ACSS3: variants seen among roughly 807,000 people sequenced by gnomAD.
The protein encoded by ACSS3 is acyl-CoA synthetase short-chain family member 3, mitochondrial.
Under a neutral mutation model 84.2 loss-of-function variants are expected in ACSS3, and 64 were observed. The observed-to-expected ratio is 0.76, with a 90% CI of 0.62 to 0.94. ACSS3 has a LOEUF of 0.94. Among genes scored for constraint, ACSS3 ranks in the 40% least tolerant of loss-of-function variants. The pLI is 0.00. For missense variants in ACSS3, 815 were observed against 867.6 expected (o/e 0.94, Z 0.76); for synonymous variants, 317 against 310.1 (o/e 1.02, Z -0.23).
Position 81,109,656 on chromosome 12 carries a change from T to C in ACSS3, c.408T>C (p.Pro136=). 6.2e-7 allele frequency: 1 copy of C among 1,611,096 alleles called. No homozygotes were observed. The highest frequency in any genetic ancestry group is 8.5e-7 in the Non-Finnish European group (1 of 1,178,740). The change falls in exon 2 of 16, where the codon CCT becomes CCC. Residue 136 remains proline, a synonymous_variant. Coordinates refer to ENST00000548058, the MANE Select transcript of ACSS3 (RefSeq NM_024560.4). The part of the protein sequence containing the change: ...GDKIAIIYDS[P]VTNTKATFTY... ...AGATTGCTATCATCTATGACAGTCC[T>C]GTTACAAACACTAAAGCAACCTTTA... is the stretch of plus-strand genomic sequence containing the variant.
Position 81,170,407 on chromosome 12 carries a change from A to T in ACSS3, c.1099-4381A>T, listed in dbSNP as rs560063092. On this transcript the variant is annotated intron_variant, in intron 7 of 15. Coordinates refer to ENST00000548058, the MANE Select transcript of ACSS3 (RefSeq NM_024560.4). ...TTGTACCATTGTTAGCCACATTATAAATCTTGCTAATATTAGCAATTGATG... is the reference window on the plus strand; with the variant it reads ...TTGTACCATTGTTAGCCACATTATATATCTTGCTAATATTAGCAATTGATG... Among the ~76,000 whole-genome samples the T allele has an allele frequency of 3.3e-5, 5 of 152,272 alleles. No homozygotes were observed. The East Asian group carries it at 5.8e-4, about 18-fold the overall frequency.
chr12:81,223,012 G>A (rs952886140), intron 11 of ACSS3, among the ~76,000 whole-genome samples: 9 of 152,012 alleles, frequency 5.9e-5, no homozygotes, highest in Admixed American at 2.0e-4. Context: ...GAAGGTATTC[G>A]TGTAATTGCA....
chr12:81,242,751 C>CA (rs1354093496), intron 13 of ACSS3, among the ~76,000 whole-genome samples: 1 of 140,706 alleles, frequency 7.1e-6, no homozygotes, highest in African/African-American at 2.5e-5. Flanking sequence ...GAACCAAAGA[C>CA]AAAAACCACA....
chr12:81,199,750 G>C (rs2032016709), intron 9 of ACSS3: 2 of 1,194,046 alleles, frequency 1.7e-6, no homozygotes, highest in Admixed American at 2.3e-5. Context: ...TGAAGTGTCT[G>C]TTGGGTTCAT....
intron 8 of ACSS3, among the ~76,000 whole-genome samples, chr12:81,193,112 T>G (rs1040185292): frequency 6.6e-6 from 1 of 152,112 alleles, no homozygotes; most frequent in Non-Finnish European, 1.5e-5. Context: ...ATTTTAAAAG[T>G]GAATTCTAAT....
chr12:81,105,558 A>G (rs1565977856), intron 1 of ACSS3, among the ~76,000 whole-genome samples: 1 of 152,176 alleles, frequency 6.6e-6, no homozygotes, highest in Non-Finnish European at 1.5e-5. Flanking sequence ...TATTCTTCTT[A>G]TCTCTATTCT....
chr12:81,078,662 A>G (rs935762049), intron 1 of ACSS3, among the ~76,000 whole-genome samples: 1 of 152,092 alleles, frequency 6.6e-6, no homozygotes, highest in Non-Finnish European at 1.5e-5. Context: ...TAAACGGGAG[A>G]TTTACCTGAC....
intron 11 of ACSS3, among the ~76,000 whole-genome samples, chr12:81,222,092 TA>T (rs2033131612): frequency 6.6e-6 from 1 of 152,126 alleles, no homozygotes; most frequent in African/African-American, 2.4e-5. Flanking sequence ...AAGTAACAAC[TA>T]TTGCCTTAAA....
intron 8 of ACSS3, among the ~76,000 whole-genome samples, chr12:81,179,821 C>T (rs1208198160): frequency 6.6e-6 from 1 of 150,886 alleles, no homozygotes; most frequent in East Asian, 1.9e-4. Context: ...TGCATTAGTC[C>T]ATTCTCACAT....
chr12:81,129,289 C>A (rs1885327921), intron 2 of ACSS3, among the ~76,000 whole-genome samples: 1 of 151,714 alleles, frequency 6.6e-6, no homozygotes, highest in Non-Finnish European at 1.5e-5. Flanking sequence ...AAGCATATAA[C>A]ATAAAATAAA....
chr12:81,173,575 A>G (rs564313620), intron 7 of ACSS3, among the ~76,000 whole-genome samples: 1 of 152,184 alleles, frequency 6.6e-6, no homozygotes, highest in Non-Finnish European at 1.5e-5. Flanking sequence ...AAATTATTGG[A>G]CAACTATCTT....
chr12:81,149,020 T>C (rs747493839), intron 5 of ACSS3, among the ~76,000 whole-genome samples: 2 of 151,330 alleles, frequency 1.3e-5, no homozygotes, highest in Non-Finnish European at 1.5e-5. Flanking sequence ...GCGGAGGTTG[T>C]AGTGAGCAAG....
intron 8 of ACSS3, among the ~76,000 whole-genome samples, chr12:81,189,037 A>G (rs2031429979): frequency 6.6e-6 from 1 of 152,096 alleles, no homozygotes; most frequent in African/African-American, 2.4e-5. Flanking sequence ...TAACTGAAAT[A>G]TTGTAGCCTT....
intron 8 of ACSS3, among the ~76,000 whole-genome samples, chr12:81,190,044 T>G (rs1414451726): frequency 1.3e-5 from 2 of 152,200 alleles, no homozygotes; most frequent in Non-Finnish European, 2.9e-5. Flanking sequence ...TGTATTCACA[T>G]TACTCTTACA....
At chr12:81,099,499 T>C (rs1205184752) in intron 1 of ACSS3, among the ~76,000 whole-genome samples, 1 of 152,186 alleles carries the variant, frequency 6.6e-6, no homozygotes, top group Non-Finnish European at 1.5e-5. Flanking sequence ...AGTTATTTCA[T>C]ACAAAGTGCG....
rs577709110 is a variant in ACSS3 at position 81,230,877 on chromosome 12, G to A, written c.1515-180G>A. Among the ~76,000 whole-genome samples, 13 of 151,874 alleles carry A rather than the reference G, an allele frequency of 8.6e-5. No homozygotes were observed. In the South Asian group the frequency reaches 2.3e-3, roughly 27 times the overall value. ...AAAGTCATTCTTCAACAATTCTGCT[G>A]TACAATGGTCAGCTACATAAACCTC... On this transcript the variant is annotated intron_variant, in intron 11 of 15. Transcript: ENST00000548058.
rs182172968 is a variant in ACSS3, at chr12:81,137,707, T to A, written c.646-1424T>A. 1.9e-3 allele frequency among the ~76,000 whole-genome samples: 291 copies of A among 152,302 alleles called. 1 individual carries two copies. The highest frequency in any genetic ancestry group is 6.7e-3 in the African/African-American group (279 of 41,564). Reference sequence around the variant, plus strand: ...TGACTTTATTAAATTATTCAAGCTTTGATATATTCTATATATGCTCCTAAT... The same window carrying A: ...TGACTTTATTAAATTATTCAAGCTTAGATATATTCTATATATGCTCCTAAT... On this transcript the variant is annotated intron_variant, in intron 3 of 15. Transcript: ENST00000548058.
At chr12:81,116,259 G>T (rs970101638) in intron 2 of ACSS3, among the ~76,000 whole-genome samples, 1 of 151,886 alleles carries the variant, frequency 6.6e-6, no homozygotes, top group East Asian at 1.9e-4. Flanking sequence ...ATTTTGAGAG[G>T]ACTTAATATA....
chr12:81,199,200 C>A, intron 8 of ACSS3, 141 bp from the exon 9 acceptor site: 1 of 691,278 alleles, frequency 1.4e-6, no homozygotes, highest in Non-Finnish European at 2.3e-6. Flanking sequence ...TGACTCTCAT[C>A]ATTATACAGT....
Sources: allele counts gnomAD v4.1 joint callset (sites outside exome capture counted in the v4.1 genomes callset), GRCh38; gene constraint gnomAD v4.1.1; transcripts MANE v1.5; gene names NCBI Gene and HGNC (gene_info 2026-07-23, HGNC 2026-07-21).